Variants in RNF130 observed in about 807,000 individuals in gnomAD.
RNF130 encodes the protein ring finger protein 130.
A neutral mutation model predicts 44.6 loss-of-function variants in RNF130; 21 were observed. The observed-to-expected ratio is 0.47, with a 90% CI of 0.33 to 0.68. The LOEUF is 0.68. Ranked by LOEUF, RNF130 falls within the 30% of genes least tolerant of loss-of-function variation. The pLI is 0.02. For missense variants in RNF130, 479 were observed against 560.6 expected, an observed-to-expected ratio of 0.85 and a Z score of 1.47; for synonymous variants, 214 against 210.4, an observed-to-expected ratio of 1.02 and a Z score of -0.15.
At chr5:180,032,919 A>T (rs1582205725) in intron 2 of RNF130, among the ~76,000 whole-genome samples, 1 of 152,086 alleles carries the variant, frequency 6.6e-6, no homozygotes, top group Admixed American at 6.5e-5. Flanking sequence ...GATAACTGCC[A>T]CCCTGACAAT....
chr5:180,013,770 T>C (rs1254764106), intron 2 of RNF130, among the ~76,000 whole-genome samples: 1 of 152,210 alleles, frequency 6.6e-6, no homozygotes, highest in Non-Finnish European at 1.5e-5. Context: ...TAGCATAAAT[T>C]GGTACTTCTT....
At chr5:180,060,285 A>G (rs1263377437) in intron 1 of RNF130, among the ~76,000 whole-genome samples, 3 of 152,248 alleles carry the variant, frequency 2.0e-5, no homozygotes, top group Admixed American at 6.5e-5. Context: ...TACTGCGGCA[A>G]TAAGAAACTA....
At chr5:180,054,516 C>T (rs1195841550) in intron 1 of RNF130, among the ~76,000 whole-genome samples, 2 of 152,146 alleles carry the variant, frequency 1.3e-5, no homozygotes, top group Non-Finnish European at 2.9e-5. Flanking sequence ...TATTCTTTCC[C>T]TCTATTGAAT....
Position 179,919,947 on chromosome 5 carries a change from C to T in RNF130, c.*370G>A, listed in dbSNP as rs73338298. ...CAGTATGCATCGTAAGCAGGGACCA[C>T]AAAAGGATGTTAAAAACCCCAGCTT... On this transcript the variant is annotated 3_prime_UTR_variant, in exon 8 of 8. Transcript: ENST00000522208. 7.7e-3 allele frequency: 1,434 copies of T among 186,834 alleles called. 22 individuals carry two copies. Among genetic ancestry groups the T allele is most frequent in the African/African-American group, 0.031 (1,349 of 43,274 alleles). The allele number at this position is 186,834 out of a possible 1,614,324, so 11.6% of individuals were successfully genotyped here. A position where few individuals can be genotyped will look rare whatever the true frequency, so the allele number is the denominator to read the frequency against.
intron 3 of RNF130, among the ~76,000 whole-genome samples, chr5:179,983,659 T>A (rs1250078467): frequency 6.6e-6 from 1 of 152,208 alleles, no homozygotes; most frequent in South Asian, 2.1e-4. Flanking sequence ...GATCAGTTTG[T>A]CCATCTCTAT....
Position 180,071,604 on chromosome 5 carries a change from C to G in RNF130, c.99G>C (p.Glu33Asp), listed in dbSNP as rs1184152142. Residue 33 changes from glutamate (E) to aspartate (D), a missense_variant, in exon 1 of 9, where the codon GAG becomes GAC. Physicochemically the swap from Glu to Asp is conservative, Grantham distance 45 (BLOSUM62 2). This residue lies in a region of RNF130 where 138 missense variants were observed against 126.9 expected (regional missense o/e 1.09). Coordinates refer to ENST00000521389, the MANE Select transcript of RNF130 (RefSeq NM_018434.6). ...WPARADNASQ[E>D]YYTALINVTV... ...TCACGTTGATGAGCGCCGTGTAGTA[C>G]TCCTGGCTCGCGTTGTCTGCCCGTG... The G allele has an allele frequency of 2.0e-6, 3 of 1,508,362 alleles. No individual in the cohort carries two copies. The allele number at this position is 1,508,362 out of a possible 1,614,324, so 93.4% of individuals were successfully genotyped here. A position where few individuals can be genotyped will look rare whatever the true frequency, so the allele number is the denominator to read the frequency against.
At chr5:180,005,472 T>C (rs190155054) in intron 3 of RNF130, among the ~76,000 whole-genome samples, 10 of 152,266 alleles carry the variant, frequency 6.6e-5, no homozygotes, top group East Asian at 1.9e-4. Flanking sequence ...ATATTGATTA[T>C]AGAATAAAGC....
chr5:179,999,645 A>C (rs1763288841), intron 3 of RNF130, among the ~76,000 whole-genome samples: 1 of 152,118 alleles, frequency 6.6e-6, no homozygotes, highest in East Asian at 1.9e-4. Flanking sequence ...TGAACCCGGG[A>C]GGCGAAGGTT....
intron 1 of RNF130, among the ~76,000 whole-genome samples, chr5:180,045,648 C>G (rs1289887277): frequency 2.0e-5 from 3 of 152,190 alleles, no homozygotes; most frequent in African/African-American, 7.2e-5. Context: ...AGGGTGCTGA[C>G]TGGTGCGTTT....
At chr5:180,018,191 A>T (rs1427192931) in intron 2 of RNF130, among the ~76,000 whole-genome samples, 1 of 151,766 alleles carries the variant, frequency 6.6e-6, no homozygotes, top group African/African-American at 2.4e-5. Flanking sequence ...GCTACTCGGG[A>T]GGCTGAGGCA....
At chr5:180,042,207 G>C (rs1473798161) in intron 1 of RNF130, among the ~76,000 whole-genome samples, 1 of 152,200 alleles carries the variant, frequency 6.6e-6, no homozygotes, top group Non-Finnish European at 1.5e-5. Flanking sequence ...TAACTTCAGA[G>C]AACTATTACA....
At chr5:180,003,842 T>A (rs1763402049) in intron 3 of RNF130, among the ~76,000 whole-genome samples, 1 of 152,204 alleles carries the variant, frequency 6.6e-6, no homozygotes, top group Non-Finnish European at 1.5e-5. Context: ...TTTTTCAAGG[T>A]GTGGTCCATG....
At chr5:180,049,281 A>G (rs1014675658) in intron 1 of RNF130, among the ~76,000 whole-genome samples, 1 of 152,280 alleles carries the variant, frequency 6.6e-6, no homozygotes, top group Non-Finnish European at 1.5e-5. Context: ...GGGAGTGGAG[A>G]GCCCCACTTG....
intron 2 of RNF130, among the ~76,000 whole-genome samples, chr5:180,013,559 A>C (rs529708067): frequency 1.3e-5 from 2 of 152,254 alleles, no homozygotes; most frequent in African/African-American, 4.8e-5. Flanking sequence ...GTTAAGAACC[A>C]TATTAACTTG....
At chr5:179,949,345 T>G (rs1247951953) in intron 7 of RNF130, among the ~76,000 whole-genome samples, 1 of 151,736 alleles carries the variant, frequency 6.6e-6, no homozygotes, top group Non-Finnish European at 1.5e-5. Flanking sequence ...GCTCACTATA[T>G]CCTTGAACTC....
chr5:179,926,875 G>A (rs79102171), intron 7 of RNF130, among the ~76,000 whole-genome samples: 1 of 152,070 alleles, frequency 6.6e-6, no homozygotes, highest in African/African-American at 2.4e-5. Context: ...AGACAGCGTT[G>A]GAACTGAATT....
At chr5:180,051,860 C>A (rs966653613) in intron 1 of RNF130, among the ~76,000 whole-genome samples, 1 of 152,130 alleles carries the variant, frequency 6.6e-6, no homozygotes, top group African/African-American at 2.4e-5. Flanking sequence ...ATAATAATTT[C>A]TATTATAAAT....
chr5:180,044,897 A>C (rs986611625), intron 1 of RNF130, among the ~76,000 whole-genome samples: 4 of 152,118 alleles, frequency 2.6e-5, no homozygotes, highest in Non-Finnish European at 4.4e-5. Context: ...ACAGAAGCTG[A>C]CGTTAGAGGG....
At position 179,955,642 on chromosome 5, in the gene RNF130, G is replaced by A; in HGVS notation, c.*12C>T. 6.3e-7 allele frequency: 1 copy of A among 1,584,116 alleles called. No homozygotes were observed. The highest frequency in any genetic ancestry group is 2.2e-5 in the East Asian group (1 of 44,622). On this transcript the variant is annotated 3_prime_UTR_variant, in exon 9 of 9. Transcript: ENST00000521389. Reference sequence around the variant, plus strand: ...CAAGGCAAAATCAGTCAGAAAGCAGGTTTTTTCTTCTTCAAAACCATTCTA... The same window carrying A: ...CAAGGCAAAATCAGTCAGAAAGCAGATTTTTTCTTCTTCAAAACCATTCTA...
Sources: gnomAD v4.1 joint callset for allele counts (sites outside exome capture counted in the v4.1 genomes callset) on GRCh38, gnomAD v4.1.1 for gene constraint, gnomAD v4.1.1 regional missense constraint, MANE v1.5 for transcripts, NCBI Gene and HGNC (gene_info 2026-07-23, HGNC 2026-07-21) for gene names.